The following CNBD1 variants were observed in gnomAD, a reference collection of about 807,000 sequenced individuals.
CNBD1 encodes the protein cyclic nucleotide-binding domain-containing protein 1.
In CNBD1, 71 loss-of-function variants were observed where a neutral mutation model predicts 54.4. The observed-to-expected ratio is 1.30, with a 90% CI of 1.08 to 1.59. The LOEUF is 1.59. Among genes scored for constraint, CNBD1 ranks in the 40% most tolerant of loss-of-function variants. The pLI is 0.00. For synonymous variants in CNBD1, 182 were observed against 170.7 expected (o/e 1.07, Z -0.51); for missense variants, 659 against 518.0 (o/e 1.27, Z -2.64).
At chr8:87,291,224 C>T (rs1808778757) in intron 8 of CNBD1, among the ~76,000 whole-genome samples, 1 of 152,074 alleles carries the variant, frequency 6.6e-6, no homozygotes, top group Non-Finnish European at 1.5e-5. Context: ...CATGTTTCTG[C>T]CAACCTGGAC....
intron 8 of CNBD1, among the ~76,000 whole-genome samples, chr8:87,330,739 T>A (rs1232312267): frequency 6.6e-6 from 1 of 152,212 alleles, no homozygotes; most frequent in Non-Finnish European, 1.5e-5. Context: ...TATGTTCAGA[T>A]AAGAATATGT....
At chr8:87,413,789 C>A (rs1344329425) in intron 2 of CNBD1, among the ~76,000 whole-genome samples, 1 of 151,136 alleles carries the variant, frequency 6.6e-6, no homozygotes, top group Non-Finnish European at 1.5e-5. Flanking sequence ...CATCACTGGC[C>A]ATCAGAGAAA....
At chr8:87,285,673 C>G (rs995160705) in intron 7 of CNBD1, among the ~76,000 whole-genome samples, 1 of 152,046 alleles carries the variant, frequency 6.6e-6, no homozygotes, top group East Asian at 1.9e-4. Context: ...GAGTTCGAGA[C>G]CAGCCTGACC....
Position 86,939,672 on chromosome 8 carries a change from A to C in CNBD1, c.349A>C (p.Arg117=). Residue 117 remains arginine, a synonymous_variant, in exon 4 of 11, where the codon AGA becomes CGA. Transcript: ENST00000518476. ...DSNNIAVHVQ[R]AHGGHILYRP... ...TAACAATATAGCTGTCCATGTTCAG[A>C]GAGCACATGGTGGCCATATTTTATA... 1 of 1,602,480 alleles carries C rather than the reference A, an allele frequency of 6.2e-7. No homozygotes were observed. The highest frequency in any genetic ancestry group is 8.5e-7 in the Non-Finnish European group (1 of 1,171,814).
chr8:87,033,817 C>T (rs559812774), intron 4 of CNBD1, among the ~76,000 whole-genome samples: 27 of 152,220 alleles, frequency 1.8e-4, no homozygotes, highest in East Asian at 5.8e-4. Flanking sequence ...GTTAACTTGA[C>T]GTTTTTTAAG....
At chr8:86,909,776 T>A (rs534853618) in intron 3 of CNBD1, among the ~76,000 whole-genome samples, 1 of 152,348 alleles carries the variant, frequency 6.6e-6, no homozygotes, top group South Asian at 2.1e-4. Flanking sequence ...TAGAAAGTTA[T>A]GATGCTTGTA....
chr8:86,869,627 TCA>T (rs147611926), intron 1 of CNBD1, among the ~76,000 whole-genome samples: 204 of 152,310 alleles, frequency 1.3e-3, no homozygotes, highest in African/African-American at 4.7e-3. Flanking sequence ...TCAGGATTCT[TCA>T]CAGTTTGCTA....
downstream of CNBD1, among the ~76,000 whole-genome samples, chr8:87,386,156 T>A (rs114939773): frequency 0.019 from 2,868 of 151,678 alleles, 91 homozygotes; most frequent in African/African-American, 0.063. Flanking sequence ...AATCACAAAG[T>A]TGGGGAAAAA....
At chr8:87,036,594 T>TAAAAAAAA (rs58299323) in intron 4 of CNBD1, among the ~76,000 whole-genome samples, 5 of 64,744 alleles carry the variant, frequency 7.7e-5, no homozygotes, top group African/African-American at 3.0e-4. Flanking sequence ...ACTGCATCTC[T>TAAAAAAAA]AAAAAAAAAA....
intron 5 of CNBD1, among the ~76,000 whole-genome samples, chr8:87,235,937 A>G (rs1807575862): frequency 6.6e-6 from 1 of 152,138 alleles, no homozygotes; most frequent in African/African-American, 2.4e-5. Context: ...CCTTTACTTT[A>G]AAGAAGCATG....
intron 8 of CNBD1, among the ~76,000 whole-genome samples, chr8:87,347,697 G>A (rs1810202291): frequency 6.6e-6 from 1 of 152,066 alleles, no homozygotes; most frequent in Non-Finnish European, 1.5e-5. Context: ...TTATTGGGCT[G>A]GACATCAAAT....
chr8:87,085,068 T>A (rs1008377663), intron 4 of CNBD1, among the ~76,000 whole-genome samples: 6 of 152,212 alleles, frequency 3.9e-5, no homozygotes, highest in African/African-American at 1.4e-4. Context: ...TTTGAAGAAT[T>A]CCCAGTCATT....
intron 4 of CNBD1, among the ~76,000 whole-genome samples, chr8:86,972,608 A>C (rs992306842): frequency 2.6e-5 from 4 of 152,194 alleles, no homozygotes; most frequent in Non-Finnish European, 5.9e-5. Flanking sequence ...ATAATAGGTA[A>C]GATACACAGA....
intron 8 of CNBD1, among the ~76,000 whole-genome samples, chr8:87,334,889 A>G (rs1241340373): frequency 6.6e-6 from 1 of 151,662 alleles, no homozygotes; most frequent in African/African-American, 2.4e-5. Flanking sequence ...ATGCCCAGCT[A>G]ATTTTTTGTA....
At chr8:87,231,550 T>C (rs1262908219) in intron 5 of CNBD1, among the ~76,000 whole-genome samples, 2 of 152,194 alleles carry the variant, frequency 1.3e-5, no homozygotes, top group Non-Finnish European at 2.9e-5. Context: ...GGTTATAATA[T>C]GTTTAGAATA....
intron 2 of CNBD1, among the ~76,000 whole-genome samples, chr8:87,395,963 C>T (rs558143688): frequency 3.3e-5 from 5 of 152,044 alleles, no homozygotes; most frequent in African/African-American, 1.2e-4. Context: ...TTTACTTCCC[C>T]TTCTGCCATA....
At chr8:87,378,794 T>G (rs1196589602) in intron 10 of CNBD1, among the ~76,000 whole-genome samples, 1 of 151,106 alleles carries the variant, frequency 6.6e-6, no homozygotes, top group Non-Finnish European at 1.5e-5. Flanking sequence ...GAGCATGGAA[T>G]GTTCTTCCAT....
At chr8:87,391,101 G>C (rs910574892) in intron 2 of CNBD1, among the ~76,000 whole-genome samples, 1 of 146,512 alleles carries the variant, frequency 6.8e-6, no homozygotes, top group African/African-American at 2.5e-5. Context: ...TGGGGTGGGG[G>C]AAGGGGGGAG....
chr8:87,361,294 G>GA (rs926738455), intron 10 of CNBD1, among the ~76,000 whole-genome samples: 4 of 151,532 alleles, frequency 2.6e-5, no homozygotes, highest in African/African-American at 9.7e-5. Context: ...GTTTTTTGAG[G>GA]AAAAAATAAT....
Sources: allele counts gnomAD v4.1 joint callset (sites outside exome capture counted in the v4.1 genomes callset), GRCh38; gene constraint gnomAD v4.1.1; transcripts MANE v1.5; gene names NCBI Gene and HGNC (gene_info 2026-07-23, HGNC 2026-07-21).